Variants in PLPP1 observed in about 807,000 individuals in gnomAD.
PLPP1 encodes the protein phospholipid phosphatase 1, also known as lipid phosphate phosphohydrolase 1a.
Under a neutral mutation model 31.2 loss-of-function variants are expected in PLPP1, and 24 were observed. That is an observed-to-expected ratio of 0.77 (90% confidence interval 0.56 to 1.08). The LOEUF (loss-of-function observed/expected upper bound fraction) is 1.08. Among genes scored for constraint, PLPP1 ranks in the 50% least tolerant of loss-of-function variants. The pLI is 0.00. For missense variants in PLPP1, 319 were observed against 342.7 expected (o/e 0.93, Z 0.55); for synonymous variants, 146 against 126.3 (o/e 1.16, Z -1.05).
At chr5:55,487,836 A>C (rs990026754) in intron 1 of PLPP1, among the ~76,000 whole-genome samples, 1 of 152,166 alleles carries the variant, frequency 6.6e-6, no homozygotes, top group African/African-American at 2.4e-5. Flanking sequence ...ATTAAAAATA[A>C]ATTGGCATTA....
chr5:55,458,911 A>AAAAAAAAAAAAC, intron 3 of PLPP1, among the ~76,000 whole-genome samples: 1 of 146,942 alleles, frequency 6.8e-6, no homozygotes, highest in African/African-American at 2.5e-5. Context: ...AAAAAAAAAA[A>AAAAAAAAAAAAC]AAAAACACAT....
At chr5:55,457,049 A>G (rs574739627) in intron 3 of PLPP1, among the ~76,000 whole-genome samples, 1 of 151,898 alleles carries the variant, frequency 6.6e-6, no homozygotes, top group African/African-American at 2.4e-5. Context: ...AATCCTAGCT[A>G]CTCTGCAGGC....
At chr5:55,462,607 A>G (rs1752189658) in intron 3 of PLPP1, among the ~76,000 whole-genome samples, 1 of 152,198 alleles carries the variant, frequency 6.6e-6, no homozygotes, top group South Asian at 2.1e-4. Context: ...AGCAAAAACC[A>G]TAAAAGAAAA....
At chr5:55,474,797 A>G (rs1003237209) in intron 2 of PLPP1, among the ~76,000 whole-genome samples, 16 of 152,226 alleles carry the variant, frequency 1.1e-4, no homozygotes, top group African/African-American at 3.6e-4. Flanking sequence ...GTATGCTAGA[A>G]TCATATTGCT....
chr5:55,425,480 A>C (rs1751157827), intron 5 of PLPP1, 146 bp from the exon 6 acceptor site: 1 of 709,898 alleles, frequency 1.4e-6, no homozygotes, highest in Non-Finnish European at 2.1e-6. Flanking sequence ...TTAGAGACTA[A>C]CTGGGATTTT....
chr5:55,465,036 GGGC>G (rs1561233265), intron 3 of PLPP1, among the ~76,000 whole-genome samples: 1 of 108,182 alleles, frequency 9.2e-6, no homozygotes, highest in Admixed American at 1.3e-4. Context: ...TTTTTATGTG[GGGC>G]GGAGGTGGTT....
chr5:55,519,957 T>C (rs879427209), intron 1 of PLPP1, among the ~76,000 whole-genome samples: 1 of 152,180 alleles, frequency 6.6e-6, no homozygotes. Flanking sequence ...GAAGTTATGA[T>C]GAGAAGTGGC....
intron 3 of PLPP1, among the ~76,000 whole-genome samples, chr5:55,449,777 C>T (rs1367167280): frequency 6.6e-6 from 1 of 152,014 alleles, no homozygotes; most frequent in Non-Finnish European, 1.5e-5. Context: ...ATTTTTATAA[C>T]TAATGCAGCT....
At chr5:55,437,946 G>T (rs1214119868) in intron 4 of PLPP1, among the ~76,000 whole-genome samples, 1 of 152,212 alleles carries the variant, frequency 6.6e-6, no homozygotes, top group Non-Finnish European at 1.5e-5. Flanking sequence ...AAGGAAAGTG[G>T]ATAGTATGAA....
intron 1 of PLPP1, among the ~76,000 whole-genome samples, chr5:55,492,814 T>TA (rs1752922974): frequency 6.6e-6 from 1 of 152,192 alleles, no homozygotes; most frequent in Non-Finnish European, 1.5e-5. Flanking sequence ...TGTTGAAGCT[T>TA]AGAGAAATGA....
intron 3 of PLPP1, among the ~76,000 whole-genome samples, chr5:55,462,120 T>C (rs1301968104): frequency 1.3e-5 from 2 of 152,196 alleles, no homozygotes; most frequent in Non-Finnish European, 2.9e-5. Flanking sequence ...TCTTCAAAAA[T>C]TGATCTATAT....
At chr5:55,512,723 TAC>T (rs71600885) in intron 1 of PLPP1, among the ~76,000 whole-genome samples, 4 of 43,198 alleles carry the variant, frequency 9.3e-5, no homozygotes, top group Non-Finnish European at 2.7e-4. Context: ...CATTATAAAC[TAC>T]ACACACACAC....
At chr5:55,475,548 T>G in intron 1 of PLPP1, 98 bp from the exon 2 acceptor site, 80 of 1,101,250 alleles carry the variant, frequency 7.3e-5, no homozygotes, top group Non-Finnish European at 9.1e-5. Context: ...AAAATGCATT[T>G]GCCATGAAAA....
intron 4 of PLPP1, among the ~76,000 whole-genome samples, chr5:55,430,031 G>GCACTC (rs1751309326): frequency 6.6e-6 from 1 of 152,030 alleles, no homozygotes; most frequent in Non-Finnish European, 1.5e-5. Context: ...TAACACCTGA[G>GCACTC]CACTCCTCCC....
chr5:55,472,666 GAGACAGAAAGAGAGAGATAA>G (rs1157532586), intron 2 of PLPP1, among the ~76,000 whole-genome samples: 2 of 146,854 alleles, frequency 1.4e-5, no homozygotes, highest in South Asian at 2.2e-4. Context: ...AAGAGAGAGA[GAGACAGAAAGAGAGAGATAA>G]AGACAGAAAG....
intron 1 of PLPP1, among the ~76,000 whole-genome samples, chr5:55,517,437 C>T (rs1009612231): frequency 2.6e-5 from 4 of 151,966 alleles, no homozygotes; most frequent in African/African-American, 9.7e-5. Context: ...GCTCAAGCGA[C>T]CTGCCCACCC....
At chr5:55,520,375 T>C (rs1292148543) in intron 1 of PLPP1, among the ~76,000 whole-genome samples, 1 of 152,178 alleles carries the variant, frequency 6.6e-6, no homozygotes, top group Non-Finnish European at 1.5e-5. Context: ...AAACAAAAAG[T>C]CACCAACACA....
intron 3 of PLPP1, among the ~76,000 whole-genome samples, chr5:55,451,380 AC>A (rs1307316937): frequency 1.3e-5 from 2 of 152,218 alleles, no homozygotes. Flanking sequence ...TGAAGGAGAC[AC>A]CACCAATGGC....
At chr5:55,478,432 GAAAGA>G (rs1752603280) in intron 1 of PLPP1, among the ~76,000 whole-genome samples, 1 of 152,136 alleles carries the variant, frequency 6.6e-6, no homozygotes, top group Admixed American at 6.5e-5. Context: ...CTGAATGTTC[GAAAGA>G]AAAGGAGAGT....
Sources: allele counts gnomAD v4.1 joint callset (sites outside exome capture counted in the v4.1 genomes callset), GRCh38; gene constraint gnomAD v4.1.1; transcripts MANE v1.5; gene names NCBI Gene and HGNC (gene_info 2026-07-23, HGNC 2026-07-21).